Variants in TMPRSS11A observed in about 807,000 individuals in gnomAD.
TMPRSS11A encodes the protein transmembrane protease serine 11A.
A neutral mutation model predicts 58.9 loss-of-function variants in TMPRSS11A; 53 were observed. That is an observed-to-expected ratio of 0.90 (90% confidence interval 0.72 to 1.13). The LOEUF is 1.13. Ranked by LOEUF, TMPRSS11A falls within the 50% of genes most tolerant of loss-of-function variation. The pLI, the probability that TMPRSS11A is intolerant of heterozygous loss-of-function variation, is 0.00. For synonymous variants in TMPRSS11A, 167 were observed against 169.8 expected (o/e 0.98, Z 0.13); for missense variants, 493 against 499.3 (o/e 0.99, Z 0.12).
rs1720100339 is a variant in TMPRSS11A, at chr4:67,914,686, T to TTA, written c.995_996dup (p.Ser333Ter). On this transcript the variant is annotated frameshift_variant, in exon 9 of 10. Transcript: ENST00000508048. LOFTEE classifies it high-confidence loss of function. ...TGTGGTTGCTTGCAGACATCATCAC[T>TTA]TATGATTTTCACTCTGGCTTCTCGG... 1 of 1,612,900 alleles carries TTA rather than the reference T, an allele frequency of 6.2e-7. No homozygotes were observed. Among genetic ancestry groups the TTA allele is most frequent in the Admixed American group, 1.7e-5 (1 of 59,918 alleles).
intron 3 of TMPRSS11A, among the ~76,000 whole-genome samples, chr4:67,933,332 A>ATAC (rs924134663): frequency 7.9e-5 from 12 of 152,298 alleles, no homozygotes; most frequent in African/African-American, 2.9e-4. Flanking sequence ...CATCACGCAG[A>ATAC]TACTAGTAAG....
intron 1 of TMPRSS11A, among the ~76,000 whole-genome samples, chr4:67,947,514 T>C (rs1383683915): frequency 6.6e-6 from 1 of 152,234 alleles, no homozygotes; most frequent in Admixed American, 6.5e-5. Flanking sequence ...TTCTTTTATA[T>C]CCCTCATTTC....
chr4:67,929,849 C>A lies in TMPRSS11A; in HGVS notation c.481+31G>T, dbSNP rs745549148. The A allele has an allele frequency of 1.9e-6, 3 of 1,563,574 alleles. 1 individual carries two copies. In the South Asian group the frequency reaches 3.6e-5, roughly 19 times the overall value. On this transcript the variant is annotated intron_variant, in intron 5 of 9. Coordinates refer to ENST00000508048, the MANE Select transcript of TMPRSS11A (RefSeq NM_001114387.2). ...GTCAAAACATGGACCTAATAGACAA[C>A]TTCATATCACATAGAAGGGGACCTC...
At chr4:67,940,015 G>A (rs72851238) in intron 3 of TMPRSS11A, among the ~76,000 whole-genome samples, 3,277 of 152,090 alleles carry the variant, frequency 0.022, 125 homozygotes, top group African/African-American at 0.074. Flanking sequence ...TTTTTAATTC[G>A]GTTTATGTGG....
chr4:67,937,578 C>T lies in TMPRSS11A; in HGVS notation c.253-5518G>A, dbSNP rs191531062. On this transcript the variant is annotated intron_variant, in intron 3 of 9. Transcript: ENST00000508048. The stretch of plus-strand genomic sequence containing the variant: ...TGGAAAGAGCACATGTGTGGAGTTG[C>T]CTAGATGACTTCAAATCTCCCCTCC... 1.2e-4 allele frequency among the ~76,000 whole-genome samples: 18 copies of T among 152,192 alleles called. No homozygotes were observed. The East Asian group carries it at 2.5e-3, about 21-fold the overall frequency.
At chr4:67,914,900 C>T (rs353171) in intron 8 of TMPRSS11A, among the ~76,000 whole-genome samples, 170 bp from the exon 9 acceptor site, 20,263 of 152,030 alleles carry the variant, frequency 0.13, 2,175 homozygotes, top group African/African-American at 0.3. Context: ...GCACATCTAA[C>T]GATAATTATT....
chr4:67,914,950 A>T (rs1331058595), intron 8 of TMPRSS11A, among the ~76,000 whole-genome samples: 1 of 152,180 alleles, frequency 6.6e-6, no homozygotes, highest in Non-Finnish European at 1.5e-5. Context: ...AAAGCAAGAA[A>T]GCCATTTGGA....
rs557480452 is a variant in TMPRSS11A, at chr4:67,949,087, A to G, written c.12-2516T>C. On this transcript the variant is annotated intron_variant, in intron 1 of 9. Coordinates refer to ENST00000508048, the MANE Select transcript of TMPRSS11A (RefSeq NM_001114387.2). ...GTGTCTTCAAGTCATTTGAAAAGAA[A>G]AAAAGACCAAAGGAGAAAAGTTAAA... 2.9e-3 allele frequency among the ~76,000 whole-genome samples: 449 copies of G among 152,290 alleles called. 1 individual carries two copies. Among genetic ancestry groups the G allele is most frequent in the Non-Finnish European group, 4.3e-3 (294 of 68,026 alleles).
intron 8 of TMPRSS11A, among the ~76,000 whole-genome samples, chr4:67,917,920 T>A (rs1313205190): frequency 6.6e-6 from 1 of 152,152 alleles, no homozygotes; most frequent in Admixed American, 6.5e-5. Context: ...ATAGGTAATA[T>A]TTTCTGTGAT....
rs1428041458 is a variant in TMPRSS11A at position 67,919,221 on chromosome 4, G to A, written c.704C>T (p.Pro235Leu). 1.2e-6 allele frequency: 2 copies of A among 1,613,382 alleles called. No individual in the cohort carries two copies. The highest frequency in any genetic ancestry group is 2.7e-5 in the African/African-American group (2 of 74,844). The change falls in exon 8 of 10, where the codon CCA (proline) becomes CTA (leucine). Residue 235 changes from proline to leucine, a missense_variant. Transcript: ENST00000508048. ...AAHCFQKYKN[P>L]HQWTVSFGTK... Reference sequence around the variant, plus strand: ...TCCAAAACTAACAGTCCATTGATGTGGATTTTTATACCTGGAAAAGGTTAG... The same window carrying A: ...TCCAAAACTAACAGTCCATTGATGTAGATTTTTATACCTGGAAAAGGTTAG...
chr4:67,911,388 T>C lies in TMPRSS11A; in HGVS notation c.1211A>G (p.Gln404Arg). ...AATCCAGTTTCGGTAATAAGTCACT[T>C]GTGTGTAGACTCCAGGCTTGTCCTT... Reference protein sequence around the residue: ...GQKDKPGVYTQVTYYRNWIAS... With the variant: ...GQKDKPGVYTRVTYYRNWIAS... The change falls in exon 10 of 10, where the codon CAA becomes CGA. Residue 404 changes from glutamine (Q) to arginine (R), a missense_variant. Coordinates refer to ENST00000508048, the MANE Select transcript of TMPRSS11A (RefSeq NM_001114387.2). 1 of 1,613,636 alleles carries C rather than the reference T, an allele frequency of 6.2e-7. No individual in the cohort carries two copies. The highest frequency in any genetic ancestry group is 8.5e-7 in the Non-Finnish European group (1 of 1,179,626).
chr4:67,917,182 T>C (rs1005094202), intron 8 of TMPRSS11A, among the ~76,000 whole-genome samples: 2 of 152,064 alleles, frequency 1.3e-5, no homozygotes, highest in Non-Finnish European at 2.9e-5. Context: ...GTTTATTTTT[T>C]ATTTTTCTAG....
At chr4:67,914,517 G>A in intron 9 of TMPRSS11A, 71 bp downstream of exon 9, 1 of 1,425,634 alleles carries the variant, frequency 7.0e-7, no homozygotes, top group Non-Finnish European at 9.8e-7. Flanking sequence ...CTTATGTAAA[G>A]AACATATAAT....
chr4:67,951,984 G>A (rs1469516373), intron 1 of TMPRSS11A, among the ~76,000 whole-genome samples: 1 of 152,158 alleles, frequency 6.6e-6, no homozygotes, highest in Admixed American at 6.6e-5. Flanking sequence ...TACAAGGAAA[G>A]CAACCTTCTG....
chr4:67,923,931 A>G (rs1720395928), intron 6 of TMPRSS11A, among the ~76,000 whole-genome samples, 197 bp downstream of exon 6: 1 of 152,214 alleles, frequency 6.6e-6, no homozygotes, highest in Admixed American at 6.5e-5. Flanking sequence ...GAAGGTTACC[A>G]TGGCAATTTT....
At chr4:67,946,045 C>G (rs1720994911) in intron 2 of TMPRSS11A, among the ~76,000 whole-genome samples, 1 of 152,016 alleles carries the variant, frequency 6.6e-6, no homozygotes, top group African/African-American at 2.4e-5. Context: ...AATGATGGTT[C>G]ATGAGTAAAA....
chr4:67,953,044 T>G (rs886793734), intron 1 of TMPRSS11A, among the ~76,000 whole-genome samples: 1 of 152,160 alleles, frequency 6.6e-6, no homozygotes, highest in African/African-American at 2.4e-5. Context: ...AGGCATTAGA[T>G]TCTCATAAGG....
Position 67,929,965 on chromosome 4 carries a change from T to C in TMPRSS11A, c.396A>G (p.Arg132=). Residue 132 remains arginine, a synonymous_variant, in exon 5 of 10, where the codon AGA becomes AGG. Transcript: ENST00000508048. ...TTAAGATGCTTTGGATTTTCTTCTCTCTTACTGCCCTTTGTTCAGTAGAGG... is the reference window on the plus strand; with the variant it reads ...TTAAGATGCTTTGGATTTTCTTCTCCCTTACTGCCCTTTGTTCAGTAGAGG... ...QFPSTEQRAV[R]EKKIQSILNQ... is the part of the protein sequence containing the mutation. 2 of 1,613,870 alleles carry C rather than the reference T, an allele frequency of 1.2e-6. No individual in the cohort carries two copies. The highest frequency in any genetic ancestry group is 8.5e-7 in the Non-Finnish European group (1 of 1,179,768).
intron 7 of TMPRSS11A, among the ~76,000 whole-genome samples, chr4:67,920,406 T>A (rs186445557): frequency 5.2e-4 from 79 of 151,854 alleles, no homozygotes; most frequent in Non-Finnish European, 8.7e-4. Context: ...CACATCTGTC[T>A]TGGTGTATTT....
Sources: gnomAD v4.1 joint callset for allele counts (sites outside exome capture counted in the v4.1 genomes callset) on GRCh38, gnomAD v4.1.1 for gene constraint, MANE v1.5 for transcripts, NCBI Gene and HGNC (gene_info 2026-07-23, HGNC 2026-07-21) for gene names.